LRRC32: variants seen among roughly 807,000 people sequenced by gnomAD.
LRRC32 encodes transforming growth factor beta activator LRRC32.
A neutral mutation model predicts 15.0 loss-of-function variants in LRRC32; 5 were observed. The ratio of observed to expected loss-of-function variants is 0.33; its 90% CI spans 0.17 to 0.70. The LOEUF (loss-of-function observed/expected upper bound fraction) is 0.70, where lower values mean the gene tolerates loss of function less well. Ranked by LOEUF, LRRC32 falls within the 30% of genes least tolerant of loss-of-function variation. The pLI, the probability that LRRC32 is intolerant of heterozygous loss-of-function variation, is 0.66. For synonymous variants in LRRC32, 391 were observed against 403.9 expected, an observed-to-expected ratio of 0.97 and a Z score of 0.38; for missense variants, 803 against 854.2, an observed-to-expected ratio of 0.94 and a Z score of 0.75.
intron 2 of LRRC32, among the ~76,000 whole-genome samples, 160 bp from the exon 3 acceptor site, chr11:76,661,668 C>G (rs920995621): frequency 6.6e-6 from 1 of 152,140 alleles, no homozygotes; most frequent in Non-Finnish European, 1.5e-5. Flanking sequence ...TCACCCCATG[C>G]CTGGATGACC....
In LRRC32 at chr11:76,660,600, G is replaced by A. The variant is rs775464058; in HGVS notation, c.993C>T (p.Pro331=). The stretch of plus-strand genomic sequence containing the variant: ...AGGTCAGGTGCTCAAGAAAGCTGTC[G>A]GGGATGAGCTCAATCTCATTGTAGC... The part of the protein sequence containing the change: ...DLSYNEIELI[P]DSFLEHLTSL... Residue 331 remains proline, a synonymous_variant, in exon 3 of 3, where the codon CCC becomes CCT. Transcript: ENST00000260061. 40 of 1,614,056 alleles carry A rather than the reference G, an allele frequency of 2.5e-5. No homozygotes were observed. The highest frequency in any genetic ancestry group is 1.5e-4 in the South Asian group (14 of 91,076).
In LRRC32 at chr11:76,660,464, T is replaced by A. The variant is rs750965400; in HGVS notation, c.1129A>T (p.Thr377Ser). 1 of 1,613,822 alleles carries A rather than the reference T, an allele frequency of 6.2e-7. No homozygotes were observed. Among genetic ancestry groups the A allele is most frequent in the Non-Finnish European group, 8.5e-7 (1 of 1,179,912 alleles). ...AGGGCTCTGGCGCCCAGTTCCAGTG[T>A]CTCCAGGGCATTGTGGCTTAAGTCA... ...LLDLSHNALE[T>S]LELGARALGS... Residue 377 changes from threonine (T) to serine (S), a missense_variant, in exon 3 of 3, where the codon ACA (threonine) becomes TCA (serine). Transcript: ENST00000260061.
intron 1 of LRRC32, among the ~76,000 whole-genome samples, chr11:76,669,077 CCA>C (rs1952669505): frequency 6.6e-6 from 1 of 152,204 alleles, no homozygotes; most frequent in Admixed American, 6.5e-5. Flanking sequence ...TCTTGGTGCC[CCA>C]GTGTCCTGTC....
In LRRC32 at chr11:76,659,422, C is replaced by T. The variant is rs1345408608; in HGVS notation, c.*182G>A. Reference sequence around the variant, plus strand: ...CAACTTCTGGCTTCCACAGCTGGACCCAAAGTGCAGCCCGGGAAGGGGGTC... The same window carrying T: ...CAACTTCTGGCTTCCACAGCTGGACTCAAAGTGCAGCCCGGGAAGGGGGTC... On this transcript the variant is annotated 3_prime_UTR_variant, in exon 3 of 3. Transcript: ENST00000260061. The T allele has an allele frequency of 1.2e-5, 8 of 656,354 alleles. No individual in the cohort carries two copies. The highest frequency in any genetic ancestry group is 2.1e-5 in the South Asian group (1 of 46,988). The allele number at this position is 656,354 out of a possible 1,614,324, so 40.7% of individuals were successfully genotyped here.
chr11:76,669,172 G>T (rs1200964019), intron 1 of LRRC32, among the ~76,000 whole-genome samples: 1 of 152,146 alleles, frequency 6.6e-6, no homozygotes, highest in Non-Finnish European at 1.5e-5. Flanking sequence ...GGTGGCGAAG[G>T]TGCCCTGCAT....
Position 76,661,240 on chromosome 11 carries a change from C to T in LRRC32, c.353G>A (p.Gly118Asp), listed in dbSNP as rs771119056. The T allele has an allele frequency of 1.9e-6, 3 of 1,613,836 alleles. No individual in the cohort carries two copies. The part of the protein sequence containing the change: ...RLAMATALSA[G>D]GLGPLPRVTS... Reference sequence around the variant, plus strand: ...CACGCGTGGCAGGGGGCCCAGGCCACCAGCACTCAGCGCAGTGGCCATCGC... The same window carrying T: ...CACGCGTGGCAGGGGGCCCAGGCCATCAGCACTCAGCGCAGTGGCCATCGC... Residue 118 changes from glycine (G) to aspartate (D), a missense_variant, in exon 3 of 3, where the codon GGT becomes GAT. Transcript: ENST00000260061.
Position 76,661,027 on chromosome 11 carries a change from TCGATGTCCATCA to T in LRRC32, c.554_565del (p.Leu185_Glu189delinsGln). The T allele has an allele frequency of 6.2e-7, 1 of 1,614,180 alleles. No homozygotes were observed. Among genetic ancestry groups the T allele is most frequent in the East Asian group, 2.2e-5 (1 of 44,884 alleles). On this transcript the variant is annotated inframe_deletion, in exon 3 of 3. Coordinates refer to ENST00000260061, the MANE Select transcript of LRRC32 (RefSeq NM_001128922.2). The stretch of plus-strand genomic sequence containing the variant: ...GGGCAGACCCTCGAAGGCGCCATCC[TCGATGTCCATCA>T]GCACGTTGCTATGCAGGTCAAGCTG...
intron 1 of LRRC32, among the ~76,000 whole-genome samples, chr11:76,669,363 G>A (rs2120119661): frequency 6.8e-6 from 1 of 146,174 alleles, no homozygotes; most frequent in Non-Finnish European, 1.5e-5. Context: ...GTGTGTGTGT[G>A]TGTGTGTGTG....
chr11:76,666,057 A>T, intron 1 of LRRC32, 99 bp from the exon 2 acceptor site: 2 of 1,045,276 alleles, frequency 1.9e-6, no homozygotes, highest in Non-Finnish European at 2.9e-6. Flanking sequence ...CCCTCAGGGA[A>T]CCCCAGAGCA....
intron 2 of LRRC32, among the ~76,000 whole-genome samples, chr11:76,662,209 C>T (rs902530204): frequency 2.2e-4 from 34 of 152,062 alleles, no homozygotes; most frequent in African/African-American, 6.8e-4. Context: ...GTCAGGGGAC[C>T]GGGCCCCTGG....
intron 1 of LRRC32, 21 bp from the exon 2 acceptor site, chr11:76,665,979 A>C (rs1565406545): frequency 6.2e-7 from 1 of 1,610,512 alleles, no homozygotes; most frequent in Middle Eastern, 1.7e-4. Flanking sequence ...CGGAGAGGAA[A>C]GGGGAACACT....
At chr11:76,665,449 G>A (rs963233238) in intron 2 of LRRC32, among the ~76,000 whole-genome samples, 1 of 152,156 alleles carries the variant, frequency 6.6e-6, no homozygotes, top group Non-Finnish European at 1.5e-5. Context: ...CAGCTTGGAA[G>A]GGGATTTGTC....
Position 76,666,329 on chromosome 11 carries a change from G to C in LRRC32, c.-4-371C>G, listed in dbSNP as rs544247537. Among the ~76,000 whole-genome samples the C allele has an allele frequency of 1.6e-3, 250 of 152,092 alleles. 2 individuals are homozygous for C. The highest frequency in any genetic ancestry group is 5.7e-3 in the African/African-American group (237 of 41,476). On this transcript the variant is annotated intron_variant, in intron 1 of 2. Transcript: ENST00000260061. ...TAGGCCATGCTCAGGGCCAGGGACT[G>C]GGGGCATGGAGATGTAGAGGGGGTT...
intron 2 of LRRC32, among the ~76,000 whole-genome samples, chr11:76,664,238 C>T (rs1323139073): frequency 6.6e-6 from 1 of 152,250 alleles, no homozygotes; most frequent in Non-Finnish European, 1.5e-5. Flanking sequence ...GACCCCTGCT[C>T]TAGAAGCCTG....
At chr11:76,665,249 C>G (rs1404364348) in intron 2 of LRRC32, among the ~76,000 whole-genome samples, 2 of 152,180 alleles carry the variant, frequency 1.3e-5, no homozygotes, top group African/African-American at 4.8e-5. Flanking sequence ...TTTCACCAAC[C>G]ACCCCACATG....
rs1432714429 is a variant in LRRC32, at chr11:76,659,459, C to T, written c.*145G>A. 3 of 879,242 alleles carry T rather than the reference C, an allele frequency of 3.4e-6. No individual in the cohort carries two copies. The highest frequency in any genetic ancestry group is 2.9e-5 in the Admixed American group (1 of 34,774). The allele number at this position is 879,242 out of a possible 1,614,324, so 54.5% of individuals were successfully genotyped here. A position where few individuals can be genotyped will look rare whatever the true frequency, so the allele number is the denominator to read the frequency against. On this transcript the variant is annotated 3_prime_UTR_variant, in exon 3 of 3. Transcript: ENST00000260061. ...CCGGGAAGGGGGTCACCCACTGATG[C>T]AGCAGGCGGCAGAGAAAGGTGTCCT...
rs1952493628 is a variant in LRRC32 at position 76,660,307 on chromosome 11, T to TGAGC, written c.1285_1286insGCTC (p.Asp429GlyfsTer3). 1.3e-6 allele frequency: 2 copies of TGAGC among 1,597,076 alleles called. No homozygotes were observed. The highest frequency in any genetic ancestry group is 2.7e-5 in the African/African-American group (2 of 74,246). ...CACACAGCCGGAGGGGCCAGGCTCA[T>TGAGC]CTGGCCCCCCACAGGGGCTGACTCG... On this transcript the variant is annotated frameshift_variant, in exon 3 of 3. Transcript: ENST00000260061. LOFTEE classifies it high-confidence loss of function.
In LRRC32 at chr11:76,660,000, G is replaced by A. The variant is rs1335377351; in HGVS notation, c.1593C>T (p.Ala531=). ...CCTCCAGTGACACAGCCTGTGTCCA[G>A]GCGGGAAGGTGGCTCAGGCGGTTCT... ...LAENRLSHLP[A]WTQAVSLEVL... is the part of the protein sequence containing the mutation. Residue 531 remains alanine (A), a synonymous_variant, in exon 3 of 3, where the codon GCC becomes GCT. Coordinates refer to ENST00000260061, the MANE Select transcript of LRRC32 (RefSeq NM_001128922.2). The A allele has an allele frequency of 6.2e-7, 1 of 1,614,146 alleles. No homozygotes were observed. The highest frequency in any genetic ancestry group is 8.5e-7 in the Non-Finnish European group (1 of 1,180,046).
Position 76,660,719 on chromosome 11 carries a change from C to A in LRRC32, c.874G>T (p.Ala292Ser). Residue 292 changes from alanine to serine, a missense_variant, in exon 3 of 3, where the codon GCA (alanine) becomes TCA (serine). Ala to Ser is a moderately conservative substitution (Grantham distance 99, BLOSUM62 1). Transcript: ENST00000260061. ...AGGGCTGACCAGCCCTCGGAAGGTG[C>A]GTGGATGCCCTTGCTGTCCTGGGGT... ...GPPQDSKGIH[A>S]PSEGWSALPL... The A allele has an allele frequency of 5.6e-6, 9 of 1,614,020 alleles. No homozygotes were observed. Among genetic ancestry groups the A allele is most frequent in the Non-Finnish European group, 7.6e-6 (9 of 1,179,990 alleles).
Sources: allele counts gnomAD v4.1 joint callset (sites outside exome capture counted in the v4.1 genomes callset), GRCh38; gene constraint gnomAD v4.1.1; transcripts MANE v1.5; gene names NCBI Gene and HGNC (gene_info 2026-07-23, HGNC 2026-07-21).